The following TLL2 variants were observed in gnomAD, a reference collection of about 807,000 sequenced individuals.
The protein encoded by TLL2 is tolloid-like protein 2.
Under a neutral mutation model 123.0 loss-of-function variants are expected in TLL2, and 106 were observed. The ratio of observed to expected loss-of-function variants is 0.86; its 90% CI spans 0.74 to 1.01. The LOEUF (loss-of-function observed/expected upper bound fraction) is 1.01, where lower values mean the gene tolerates loss of function less well. Ranked by LOEUF, TLL2 falls within the 50% of genes least tolerant of loss-of-function variation. The pLI, the probability that TLL2 is intolerant of heterozygous loss-of-function variation, is 0.00. For synonymous variants in TLL2, 494 were observed against 516.8 expected (o/e 0.96, Z 0.60); for missense variants, 1,332 against 1,336.7 (o/e 1.00, Z 0.06).
At chr10:96,435,076 G>A (rs1197049501) in intron 3 of TLL2, among the ~76,000 whole-genome samples, 4 of 146,574 alleles carry the variant, frequency 2.7e-5, no homozygotes, top group African/African-American at 1.0e-4. Flanking sequence ...CTGTTGCCCA[G>A]GCTGGAGTAC....
intron 16 of TLL2, among the ~76,000 whole-genome samples, chr10:96,380,920 T>TGAGC (rs1846181389): frequency 1.3e-5 from 2 of 148,196 alleles, no homozygotes; most frequent in Admixed American, 1.4e-4. Context: ...GAGATTGCGG[T>TGAGC]GAGCGGAGAT....
chr10:96,488,555 T>C (rs1847379307), intron 1 of TLL2, among the ~76,000 whole-genome samples: 1 of 152,204 alleles, frequency 6.6e-6, no homozygotes, highest in Admixed American at 6.5e-5. Context: ...GAAGGCCACG[T>C]GCCCTTCACT....
chr10:96,470,260 G>A (rs1847166323), intron 2 of TLL2, among the ~76,000 whole-genome samples: 1 of 152,176 alleles, frequency 6.6e-6, no homozygotes, highest in Non-Finnish European at 1.5e-5. Flanking sequence ...CCCAGCCGGG[G>A]GTCAGAGGCA....
intron 7 of TLL2, among the ~76,000 whole-genome samples, chr10:96,415,099 C>T (rs1477803669): frequency 6.6e-6 from 1 of 152,210 alleles, no homozygotes; most frequent in Non-Finnish European, 1.5e-5. Flanking sequence ...TAGAACGCTT[C>T]ACCAACTTCC....
intron 2 of TLL2, among the ~76,000 whole-genome samples, chr10:96,479,279 T>C (rs1235563317): frequency 6.6e-6 from 1 of 152,120 alleles, no homozygotes; most frequent in Non-Finnish European, 1.5e-5. Flanking sequence ...GGCGATGAGG[T>C]CCCCGTGACC....
chr10:96,476,012 A>G (rs1446935895), intron 2 of TLL2, among the ~76,000 whole-genome samples: 1 of 151,668 alleles, frequency 6.6e-6, no homozygotes, highest in Non-Finnish European at 1.5e-5. Context: ...CTCCCCAGCC[A>G]CGTGGAACAG....
rs1229110133 is a variant in TLL2 at position 96,365,355 on chromosome 10, T to C, written c.*2733A>G. ...CTTTCTCTGTTTGAAGAAATTCCAC[T>C]GGCTAAAGTTAATTCCAGATTTTTT... On this transcript the variant is annotated 3_prime_UTR_variant, in exon 21 of 21. Coordinates refer to ENST00000357947, the MANE Select transcript of TLL2 (RefSeq NM_012465.4). 6.6e-6 allele frequency: 1 copy of C among 152,264 alleles called. No homozygotes were observed. The allele number at this position is 152,264 out of a possible 1,614,324, so 9.4% of individuals were successfully genotyped here. A position where few individuals can be genotyped will look rare whatever the true frequency, so the allele number is the denominator to read the frequency against.
At chr10:96,409,721 G>A (rs1328529985) in intron 9 of TLL2, among the ~76,000 whole-genome samples, 2 of 152,172 alleles carry the variant, frequency 1.3e-5, no homozygotes, top group African/African-American at 4.8e-5. Context: ...CTAAAGGGAT[G>A]TGTCCACCCA....
rs531885286 is a variant in TLL2, at chr10:96,458,014, C to T, written c.287-11846G>A. ...TGCTGATGTCTCCCCAGCTCTGGGA[C>T]GGTGCCTGGCCTATAAGAGGTGGTG... is the stretch of plus-strand genomic sequence containing the variant. On this transcript the variant is annotated intron_variant, in intron 2 of 20. Coordinates refer to ENST00000357947, the MANE Select transcript of TLL2 (RefSeq NM_012465.4). Among the ~76,000 whole-genome samples the T allele has an allele frequency of 4.1e-4, 63 of 152,072 alleles. 1 individual carries two copies. Among genetic ancestry groups the T allele is most frequent in the African/African-American group, 1.4e-3 (59 of 41,486 alleles).
intron 10 of TLL2, among the ~76,000 whole-genome samples, chr10:96,402,169 C>T (rs1564899296): frequency 6.6e-6 from 1 of 152,212 alleles, no homozygotes; most frequent in Non-Finnish European, 1.5e-5. Flanking sequence ...AGAATGATAC[C>T]TGAATGTGTT....
At chr10:96,398,541 T>G (rs1846361690) in intron 10 of TLL2, among the ~76,000 whole-genome samples, 1 of 152,246 alleles carries the variant, frequency 6.6e-6, no homozygotes, top group Non-Finnish European at 1.5e-5. Context: ...TTAATACATT[T>G]GTATTTTCTT....
intron 3 of TLL2, among the ~76,000 whole-genome samples, chr10:96,444,278 T>A (rs7078372): frequency 0.94 from 142,910 of 152,314 alleles, 67,635 homozygotes; most frequent in East Asian, 1. Context: ...ATATGTTCAG[T>A]AACGTTTACT....
intron 2 of TLL2, 94 bp from the exon 3 acceptor site, chr10:96,446,262 G>C (rs1422240187): frequency 8.6e-7 from 1 of 1,166,744 alleles, no homozygotes; most frequent in East Asian, 2.4e-5. Flanking sequence ...CACCTGGGGA[G>C]GATCAGAATC....
At chr10:96,422,497 G>C (rs1589418760) in intron 6 of TLL2, 52 bp downstream of exon 6, 21 of 1,603,924 alleles carry the variant, frequency 1.3e-5, no homozygotes, top group Non-Finnish European at 1.8e-5. Context: ...CTGTCCCTGA[G>C]GTTGCCACCT....
chr10:96,388,862 T>G (rs1846260292), intron 13 of TLL2, among the ~76,000 whole-genome samples: 1 of 152,352 alleles, frequency 6.6e-6, no homozygotes, highest in South Asian at 2.1e-4. Flanking sequence ...CTTGGGTAAC[T>G]CTAATGGTGA....
chr10:96,430,201 G>T (rs1846723426), intron 4 of TLL2, among the ~76,000 whole-genome samples: 1 of 152,192 alleles, frequency 6.6e-6, no homozygotes, highest in African/African-American at 2.4e-5. Context: ...CTCAAGAAGG[G>T]CTTAGTGCCA....
In TLL2 at chr10:96,393,178, C is replaced by T. The variant is rs531489698; in HGVS notation, c.1726+2009G>A. Among the ~76,000 whole-genome samples, 4 of 152,272 alleles carry T rather than the reference C, an allele frequency of 2.6e-5. No individual in the cohort carries two copies. The South Asian group carries it at 8.3e-4, about 32-fold the overall frequency. On this transcript the variant is annotated intron_variant, in intron 13 of 20. Coordinates refer to ENST00000357947, the MANE Select transcript of TLL2 (RefSeq NM_012465.4). Reference sequence around the variant, plus strand: ...CCCCTTGATTTTATCCCAGTGAGACCCATGTTAGACTTCTGACCTCCACAA... The same window carrying T: ...CCCCTTGATTTTATCCCAGTGAGACTCATGTTAGACTTCTGACCTCCACAA...
chr10:96,420,959 G>A lies in TLL2; in HGVS notation c.920C>T (p.Ser307Leu), dbSNP rs1371377892. ...SIMHYARNTF[S>L]RGVFLDTILP... Reference sequence around the variant, plus strand: ...AGGCATAAGCATAGATTCCGACCTTGAGAAGGTGTTCCGGGCGTAGTGCAT... The same window carrying A: ...AGGCATAAGCATAGATTCCGACCTTAAGAAGGTGTTCCGGGCGTAGTGCAT... The change falls in exon 7 of 21, where the codon TCA becomes TTA. Residue 307 changes from serine to leucine, a missense_variant. Transcript: ENST00000357947. 9 of 1,613,838 alleles carry A rather than the reference G, an allele frequency of 5.6e-6. No individual in the cohort carries two copies. Among genetic ancestry groups the A allele is most frequent in the Non-Finnish European group, 6.8e-6 (8 of 1,179,888 alleles).
chr10:96,420,704 C>A (rs936312773), intron 7 of TLL2, among the ~76,000 whole-genome samples: 6 of 152,214 alleles, frequency 3.9e-5, no homozygotes, highest in African/African-American at 1.4e-4. Flanking sequence ...GATAATTTCC[C>A]TTTTCCAGTT....
Sources: gnomAD v4.1 joint callset for allele counts (sites outside exome capture counted in the v4.1 genomes callset) on GRCh38, gnomAD v4.1.1 for gene constraint, MANE v1.5 for transcripts, NCBI Gene and HGNC (gene_info 2026-07-23, HGNC 2026-07-21) for gene names.